The following NEGR1 variants were observed in gnomAD, a reference collection of about 807,000 sequenced individuals.
NEGR1 encodes neuronal growth regulator 1.
NEGR1 carries 10 observed loss-of-function variants against 40.9 expected under a neutral mutation model. That is an observed-to-expected ratio of 0.24 (90% confidence interval 0.15 to 0.42). The LOEUF is 0.42. Ranked by LOEUF, NEGR1 falls within the 10% of genes least tolerant of loss-of-function variation. The pLI, the probability that NEGR1 is intolerant of heterozygous loss-of-function variation, is 1.00. For synonymous variants in NEGR1, 185 were observed against 166.8 expected (o/e 1.11, Z -0.84); for missense variants, 352 against 438.9 (o/e 0.80, Z 1.77).
At chr1:71,415,410 T>G (rs1399070803) in intron 6 of NEGR1, among the ~76,000 whole-genome samples, 1 of 152,000 alleles carries the variant, frequency 6.6e-6, no homozygotes, top group Non-Finnish European at 1.5e-5. Context: ...GAATAACCAT[T>G]TTGCCAAAGT....
Position 72,121,773 on chromosome 1 carries a change from T to G in NEGR1, c.176+160546A>C, listed in dbSNP as rs903996462. On this transcript the variant is annotated intron_variant, in intron 1 of 6. Coordinates refer to ENST00000357731, the MANE Select transcript of NEGR1 (RefSeq NM_173808.3). ...ACCAAAATTCAATGTTTAAATAGAG[T>G]CGATATACATAAAAGTGCAAACATT... Among the ~76,000 whole-genome samples the G allele has an allele frequency of 1.4e-4, 21 of 151,908 alleles. 1 individual carries two copies. The highest frequency in any genetic ancestry group is 5.1e-4 in the African/African-American group (21 of 41,438).
intron 3 of NEGR1, among the ~76,000 whole-genome samples, chr1:71,734,914 T>G (rs987952741): frequency 6.6e-6 from 1 of 151,884 alleles, no homozygotes; most frequent in African/African-American, 2.4e-5. Context: ...CTTAACTTTT[T>G]TTTCCCCTCC....
chr1:71,683,626 T>G (rs1557611629), intron 4 of NEGR1, among the ~76,000 whole-genome samples: 1 of 152,106 alleles, frequency 6.6e-6, no homozygotes, highest in South Asian at 2.1e-4. Context: ...CTTAGTTTGA[T>G]AGCATTCTTT....
chr1:72,234,382 G>C (rs958789373), intron 1 of NEGR1, among the ~76,000 whole-genome samples: 1 of 151,962 alleles, frequency 6.6e-6, no homozygotes, highest in African/African-American at 2.4e-5. Context: ...TTCATGAGCA[G>C]ATGCCAAAAG....
chr1:71,902,497 T>C (rs895426103), intron 2 of NEGR1, among the ~76,000 whole-genome samples: 5 of 152,238 alleles, frequency 3.3e-5, no homozygotes, highest in African/African-American at 1.2e-4. Flanking sequence ...CTACCCATTG[T>C]ATTTGTGGTA....
chr1:72,094,333 G>A (rs1193406927), intron 1 of NEGR1, among the ~76,000 whole-genome samples: 1 of 152,134 alleles, frequency 6.6e-6, no homozygotes, highest in Non-Finnish European at 1.5e-5. Flanking sequence ...TAAAAAGTAG[G>A]AGCCAGAGAA....
chr1:71,793,402 C>G (rs1384319768), intron 2 of NEGR1, among the ~76,000 whole-genome samples: 1 of 147,714 alleles, frequency 6.8e-6, no homozygotes, highest in Admixed American at 7.0e-5. Flanking sequence ...AGCCACCACG[C>G]CCGGCCTGGG....
intron 2 of NEGR1, among the ~76,000 whole-genome samples, chr1:71,851,554 G>C (rs1659602088): frequency 6.6e-6 from 1 of 151,976 alleles, no homozygotes; most frequent in South Asian, 2.1e-4. Context: ...CTATGCACAG[G>C]GATCTGCACA....
At chr1:72,216,386 T>TATATATATATATACATATATATATATAC (rs775495595) in intron 1 of NEGR1, among the ~76,000 whole-genome samples, 1 of 36,176 alleles carries the variant, frequency 2.8e-5, no homozygotes, top group Non-Finnish European at 6.1e-5. Context: ...TATATATACA[T>TATATATATATATACATATATATATATAC]ATATATATAT....
intron 3 of NEGR1, 122 bp downstream of exon 3, chr1:71,776,050 G>A (rs1656495716): frequency 2.7e-6 from 1 of 376,812 alleles, no homozygotes; most frequent in Non-Finnish European, 4.8e-6. Flanking sequence ...AATGCATTCT[G>A]CCTACCGCAT....
chr1:72,036,260 T>C (rs1360411370), intron 1 of NEGR1, among the ~76,000 whole-genome samples: 1 of 152,136 alleles, frequency 6.6e-6, no homozygotes, highest in Admixed American at 6.6e-5. Context: ...TATATAGATG[T>C]GAATTTAGCT....
At chr1:72,091,155 A>C (rs1218783765) in intron 1 of NEGR1, among the ~76,000 whole-genome samples, 1 of 152,166 alleles carries the variant, frequency 6.6e-6, no homozygotes, top group African/African-American at 2.4e-5. Flanking sequence ...ACTGGGGATG[A>C]GCATGAAGCT....
intron 1 of NEGR1, among the ~76,000 whole-genome samples, chr1:72,111,085 TACACAC>T (rs72146902): frequency 6.8e-4 from 87 of 128,512 alleles, no homozygotes; most frequent in African/African-American, 2.0e-3. Context: ...TATATATATA[TACACAC>T]ACACACACAC....
At chr1:71,823,032 G>A (rs1177339330) in intron 2 of NEGR1, among the ~76,000 whole-genome samples, 1 of 151,956 alleles carries the variant, frequency 6.6e-6, no homozygotes, top group Non-Finnish European at 1.5e-5. Context: ...CTGCGTCCCT[G>A]TTAGGAAGAA....
chr1:71,672,006 T>C (rs1363056360), intron 4 of NEGR1, among the ~76,000 whole-genome samples: 1 of 151,696 alleles, frequency 6.6e-6, no homozygotes, highest in African/African-American at 2.4e-5. Context: ...AGTGGTAGGA[T>C]TACAGGTGTG....
At chr1:71,844,536 G>A (rs1384048447) in intron 2 of NEGR1, among the ~76,000 whole-genome samples, 8 of 152,130 alleles carry the variant, frequency 5.3e-5, no homozygotes, top group Non-Finnish European at 7.4e-5. Flanking sequence ...GAAAAGAGAG[G>A]AAGTATTTGT....
intron 1 of NEGR1, among the ~76,000 whole-genome samples, chr1:72,072,960 T>A (rs1647534689): frequency 6.6e-6 from 1 of 152,174 alleles, no homozygotes; most frequent in South Asian, 2.1e-4. Context: ...AAATTTTGGT[T>A]TAGCTGCTGT....
intron 6 of NEGR1, among the ~76,000 whole-genome samples, chr1:71,426,001 C>T (rs116824309): frequency 0.014 from 2,158 of 152,196 alleles, 18 homozygotes; most frequent in Non-Finnish European, 0.022. Context: ...GTCTGGACTA[C>T]GACACTCATT....
At chr1:71,517,463 C>A (rs1450185584) in intron 6 of NEGR1, among the ~76,000 whole-genome samples, 1 of 87,218 alleles carries the variant, frequency 1.1e-5, no homozygotes, top group African/African-American at 5.2e-5. Context: ...TAAACAGAGC[C>A]AAAGACAAAA....
Sources: gnomAD v4.1 joint callset for allele counts (sites outside exome capture counted in the v4.1 genomes callset) on GRCh38, gnomAD v4.1.1 for gene constraint, MANE v1.5 for transcripts, NCBI Gene and HGNC (gene_info 2026-07-23, HGNC 2026-07-21) for gene names.